The following SMOX variants were observed in gnomAD, a reference collection of about 807,000 sequenced individuals.
The protein encoded by SMOX is flavin containing amine oxidase.
SMOX carries 22 observed loss-of-function variants against 51.0 expected under a neutral mutation model. That is an observed-to-expected ratio of 0.43 (90% confidence interval 0.31 to 0.62). SMOX has a LOEUF of 0.62. SMOX is among the 20% of genes least tolerant of loss of function. The pLI is 0.10. For synonymous variants in SMOX, 282 were observed against 307.8 expected (o/e 0.92, Z 0.88); for missense variants, 566 against 777.7 (o/e 0.73, Z 3.24).
chr20:4,177,541 GGA>G lies in SMOX; in HGVS notation c.400_401del (p.Asp134ArgfsTer3). On this transcript the variant is annotated frameshift_variant, in exon 3 of 7. Coordinates refer to ENST00000305958, the MANE Select transcript of SMOX (RefSeq NM_175839.3). LOFTEE classifies it high-confidence loss of function. This position sits in a 1 kb window ranked among gnomAD's most constrained non-coding sequence, Gnocchi z 4.3. ...CCAACCACGGCCGCAGGATCCCCAAGGACGTGGTTGAGGAATTCAGCGATTTA... is the reference window on the plus strand; with the variant it reads ...CCAACCACGGCCGCAGGATCCCCAAGCGTGGTTGAGGAATTCAGCGATTTA... ...LTNHGRRIPK[D>X]VVEEFSDLYN... 6.3e-7 allele frequency: 1 copy of G among 1,595,516 alleles called. No homozygotes were observed. The highest frequency in any genetic ancestry group is 8.5e-7 in the Non-Finnish European group (1 of 1,170,068).
In SMOX at chr20:4,172,180, G is replaced by T. The variant is rs75628478; in HGVS notation, c.-26-2850G>T. On this transcript the variant is annotated intron_variant, in intron 1 of 6. Transcript: ENST00000305958. This position sits in a 1 kb window ranked among gnomAD's most constrained non-coding sequence, Gnocchi z 7.7. The stretch of plus-strand genomic sequence containing the variant: ...GCCACTGCAGCCATCCCTTTCCGTA[G>T]TGGATAGGAGACTGTGTGTGGGGTG... Among the ~76,000 whole-genome samples the T allele has an allele frequency of 0.019, 2,914 of 152,362 alleles. 120 individuals are homozygous for T. The highest frequency in any genetic ancestry group is 0.18 in the East Asian group (912 of 5,176).
chr20:4,187,629 G>A lies in SMOX; in HGVS notation c.*222G>A. Reference sequence around the variant, plus strand: ...GAGTTACCTCTGTGCTGGATCCCGTGCCCCCACTTGCCTACCCTCTGTCCT... The same window carrying A: ...GAGTTACCTCTGTGCTGGATCCCGTACCCCCACTTGCCTACCCTCTGTCCT... On this transcript the variant is annotated 3_prime_UTR_variant, in exon 7 of 7. Transcript: ENST00000305958. This position sits in a 1 kb window ranked among gnomAD's most constrained non-coding sequence, Gnocchi z 4.8. 4 of 551,364 alleles carry A rather than the reference G, an allele frequency of 7.3e-6. No homozygotes were observed. The allele number at this position is 551,364 out of a possible 1,614,324, so 34.2% of individuals were successfully genotyped here.
chr20:4,182,954 G>C lies in SMOX; in HGVS notation c.1369+106G>C. On this transcript the variant is annotated intron_variant, in intron 5 of 6. Coordinates refer to ENST00000305958, the MANE Select transcript of SMOX (RefSeq NM_175839.3). The surrounding 1 kb of genome is among the most constrained non-coding windows in gnomAD (Gnocchi z 8.4). ...CTCTCCTCCCCAGACCGTGAAGCTC[G>C]GATGCTGTGCCCCACGGGAGAGCCA... 1 of 1,439,896 alleles carries C rather than the reference G, an allele frequency of 6.9e-7. No homozygotes were observed. The highest frequency in any genetic ancestry group is 2.5e-5 in the East Asian group (1 of 40,252). 89.2% of individuals were successfully genotyped at this position (1,439,896 alleles called of 1,614,324 possible). A position where few individuals can be genotyped will look rare whatever the true frequency, so the allele number is the denominator to read the frequency against.
Position 4,182,898 on chromosome 20 carries a change from C to T in SMOX, c.1369+50C>T, listed in dbSNP as rs770318846. The stretch of plus-strand genomic sequence containing the variant: ...CTTCCCCCACCCTGCTTCTTCCTCA[C>T]CTGCCCTCCTCTGGTGGACCCATGG... On this transcript the variant is annotated intron_variant, in intron 5 of 6. Coordinates refer to ENST00000305958, the MANE Select transcript of SMOX (RefSeq NM_175839.3). The surrounding 1 kb of genome is among the most constrained non-coding windows in gnomAD (Gnocchi z 8.4). 1 of 1,559,360 alleles carries T rather than the reference C, an allele frequency of 6.4e-7. No homozygotes were observed. The highest frequency in any genetic ancestry group is 1.2e-5 in the South Asian group (1 of 83,620).
intron 1 of SMOX, among the ~76,000 whole-genome samples, chr20:4,164,685 G>T (rs1346930654): frequency 2.0e-5 from 3 of 152,130 alleles, no homozygotes; most frequent in African/African-American, 7.2e-5. Flanking sequence ...TGGTGACTTG[G>T]GTGCCTCAAA....
intron 1 of SMOX, among the ~76,000 whole-genome samples, chr20:4,162,116 C>T (rs993163013): frequency 2.0e-5 from 3 of 152,214 alleles, no homozygotes; most frequent in Admixed American, 6.5e-5. Context: ...CAGGGTGCCT[C>T]GGGGAGCCAA....
At chr20:4,152,118 GTA>G (rs1453115681) in intron 1 of SMOX, among the ~76,000 whole-genome samples, 5 of 152,218 alleles carry the variant, frequency 3.3e-5, no homozygotes, top group African/African-American at 4.8e-5. Context: ...GGGCAGGGCT[GTA>G]TGCCGAGGGC....
chr20:4,159,300 C>T (rs376124262), intron 1 of SMOX, among the ~76,000 whole-genome samples: 6 of 152,184 alleles, frequency 3.9e-5, no homozygotes, highest in East Asian at 1.9e-4. Flanking sequence ...TTAGTGGAGA[C>T]GGGGTTTCAC....
Position 4,167,025 on chromosome 20 carries a change from G to C in SMOX, c.-26-8005G>C, listed in dbSNP as rs1365318285. On this transcript the variant is annotated intron_variant, in intron 1 of 6. Coordinates refer to ENST00000305958, the MANE Select transcript of SMOX (RefSeq NM_175839.3). The surrounding 1 kb of genome is among the most constrained non-coding windows in gnomAD (Gnocchi z 4.8). ...TGAGGGCCAGGGGACATTGCTGGGG[G>C]CGGGGGCTCTGCTGAAAGAGGCTCC... Among the ~76,000 whole-genome samples, 1 of 152,226 alleles carries C rather than the reference G, an allele frequency of 6.6e-6. No individual in the cohort carries two copies. Among genetic ancestry groups the C allele is most frequent in the African/African-American group, 2.4e-5 (1 of 41,456 alleles).
chr20:4,152,957 A>C (rs973724318), intron 1 of SMOX, among the ~76,000 whole-genome samples: 1 of 152,200 alleles, frequency 6.6e-6, no homozygotes, highest in Non-Finnish European at 1.5e-5. Flanking sequence ...CCATGCTTGA[A>C]ATCGGTCCAC....
In SMOX at chr20:4,175,241, C is replaced by G. The variant is rs927774087; in HGVS notation, c.186C>G (p.Gly62=). ...TTGAGGCTTCCAGCCACATCGGAGG[C>G]CGTGTGCAGAGTGTGAAACTTGGTA... ...TVLEASSHIG[G]RVQSVKLGHA... The change falls in exon 2 of 7, where the codon GGC becomes GGG. Residue 62 remains glycine, a synonymous_variant. Coordinates refer to ENST00000305958, the MANE Select transcript of SMOX (RefSeq NM_175839.3). 1.3e-5 allele frequency: 21 copies of G among 1,614,018 alleles called. No individual in the cohort carries two copies. In the Admixed American group the frequency reaches 2.7e-4, roughly 20 times the overall value.
chr20:4,156,009 C>T (rs1407839822), intron 1 of SMOX, among the ~76,000 whole-genome samples: 21 of 152,282 alleles, frequency 1.4e-4, no homozygotes, highest in East Asian at 3.9e-4. Flanking sequence ...TGGGCCAGGC[C>T]GTCCTGCGGG....
intron 1 of SMOX, among the ~76,000 whole-genome samples, chr20:4,157,308 C>T (rs6052408): frequency 0.054 from 8,200 of 152,226 alleles, 309 homozygotes; most frequent in African/African-American, 0.1. Flanking sequence ...AGGAGGGACC[C>T]TGGGGAGGGC....
chr20:4,157,109 C>G (rs1412136318), intron 1 of SMOX, among the ~76,000 whole-genome samples: 1 of 152,160 alleles, frequency 6.6e-6, no homozygotes, highest in African/African-American at 2.4e-5. Context: ...TGCAAGTTCT[C>G]CCCAGCCTTT....
chr20:4,152,870 C>T (rs1486043002), intron 1 of SMOX, among the ~76,000 whole-genome samples: 1 of 152,136 alleles, frequency 6.6e-6, no homozygotes, highest in African/African-American at 2.4e-5. Flanking sequence ...ATTTTACAGA[C>T]GGGAGGACTG....
At chr20:4,158,159 C>A (rs182940638) in intron 1 of SMOX, among the ~76,000 whole-genome samples, 2 of 152,092 alleles carry the variant, frequency 1.3e-5, no homozygotes, top group East Asian at 1.9e-4. Flanking sequence ...CTTGGCCTCC[C>A]AAAGTGCTGG....
Position 4,183,332 on chromosome 20 carries a change from C to T in SMOX, c.1370-162C>T, listed in dbSNP as rs913780312. ...CGCTGAGTGGGTACACAGCTCGAGC[C>T]CCAGCCTCCCTCCTTCCTCTTCTAT... On this transcript the variant is annotated intron_variant, in intron 5 of 6. Transcript: ENST00000305958. This position sits in a 1 kb window ranked among gnomAD's most constrained non-coding sequence, Gnocchi z 4.3. 5.8e-6 allele frequency: 6 copies of T among 1,038,992 alleles called. No individual in the cohort carries two copies. The highest frequency in any genetic ancestry group is 8.7e-6 in the Non-Finnish European group (6 of 692,128). 64.4% of individuals were successfully genotyped at this position (1,038,992 alleles called of 1,614,324 possible).
At chr20:4,154,249 G>T (rs1208721435) in intron 1 of SMOX, among the ~76,000 whole-genome samples, 1 of 152,224 alleles carries the variant, frequency 6.6e-6, no homozygotes, top group Non-Finnish European at 1.5e-5. Flanking sequence ...GATTAGGGCA[G>T]TGGTCTATAA....
chr20:4,176,374 T>C (rs1978852850), intron 2 of SMOX, among the ~76,000 whole-genome samples: 2 of 151,892 alleles, frequency 1.3e-5, no homozygotes, highest in African/African-American at 4.8e-5. Flanking sequence ...CACACAAGAG[T>C]GTCTGCAGGG....
Sources: allele counts gnomAD v4.1 joint callset (sites outside exome capture counted in the v4.1 genomes callset), GRCh38; gene constraint gnomAD v4.1.1; non-coding constraint Gnocchi (gnomAD v3.1); transcripts MANE v1.5; gene names NCBI Gene and HGNC (gene_info 2026-07-23, HGNC 2026-07-21).